The following PRKCE variants were observed in gnomAD, a reference collection of about 807,000 sequenced individuals.
PRKCE encodes protein kinase C epsilon type.
In PRKCE, 16 loss-of-function variants were observed where a neutral mutation model predicts 85.4. That is an observed-to-expected ratio of 0.19 (90% CI 0.13 to 0.28). The LOEUF is 0.28. Ranked by LOEUF, PRKCE falls within the 10% of genes least tolerant of loss-of-function variation. The pLI is 1.00. For synonymous variants in PRKCE, 388 were observed against 371.5 expected (o/e 1.04, Z -0.51); for missense variants, 573 against 975.2 (o/e 0.59, Z 5.49).
rs1008629379 is a variant in PRKCE at position 46,001,291 on chromosome 2, A to G, written c.824-113A>G. The G allele has an allele frequency of 4.1e-6, 4 of 963,990 alleles. No homozygotes were observed. The highest frequency in any genetic ancestry group is 3.3e-5 in the South Asian group (1 of 30,264). The allele number at this position is 963,990 out of a possible 1,614,324, so 59.7% of individuals were successfully genotyped here. A position where few individuals can be genotyped will look rare whatever the true frequency, so the allele number is the denominator to read the frequency against. On this transcript the variant is annotated intron_variant, in intron 6 of 14. Coordinates refer to ENST00000306156, the MANE Select transcript of PRKCE (RefSeq NM_005400.3). This position sits in a 1 kb window ranked among gnomAD's most constrained non-coding sequence, Gnocchi z 4.4. ...TATATATTTCTGTATTTTCCAAATTATATCTTAAATGAACATGTAATACTT... is the reference window on the plus strand; with the variant it reads ...TATATATTTCTGTATTTTCCAAATTGTATCTTAAATGAACATGTAATACTT...
chr2:46,066,293 T>A (rs182183212), intron 10 of PRKCE, among the ~76,000 whole-genome samples: 5 of 152,354 alleles, frequency 3.3e-5, no homozygotes, highest in African/African-American at 1.2e-4. Context: ...TGGCTAAAGT[T>A]ACCCCCAAGA....
intron 12 of PRKCE, among the ~76,000 whole-genome samples, chr2:46,149,952 G>A (rs1419186143): frequency 1.3e-5 from 2 of 151,674 alleles, no homozygotes; most frequent in African/African-American, 2.4e-5. Context: ...AAACTCCCGG[G>A]CTCAAGTGAT....
chr2:45,799,795 C>A (rs1300549405), intron 1 of PRKCE, among the ~76,000 whole-genome samples: 1 of 152,124 alleles, frequency 6.6e-6, no homozygotes, highest in Non-Finnish European at 1.5e-5. Context: ...TTTCTTCTTG[C>A]TGAGATGATG....
At chr2:45,654,368 A>G (rs1033713126) in intron 1 of PRKCE, among the ~76,000 whole-genome samples, 2 of 152,230 alleles carry the variant, frequency 1.3e-5, no homozygotes, top group African/African-American at 4.8e-5. Flanking sequence ...AGGTTCTCAA[A>G]TTCATGTTGG....
intron 5 of PRKCE, 122 bp downstream of exon 5, chr2:45,980,503 TA>T: frequency 1.1e-6 from 1 of 934,564 alleles, no homozygotes. Flanking sequence ...ATTGTGTTGA[TA>T]AAAAAACAAA....
intron 2 of PRKCE, among the ~76,000 whole-genome samples, chr2:45,922,087 GC>G (rs1558837442): frequency 1.3e-5 from 2 of 152,222 alleles, no homozygotes; most frequent in East Asian, 3.9e-4. Context: ...TTTCTTAAGG[GC>G]ATCACTTGGT....
chr2:45,856,078 A>T (rs568840860), intron 2 of PRKCE, among the ~76,000 whole-genome samples: 3 of 151,476 alleles, frequency 2.0e-5, no homozygotes, highest in South Asian at 2.1e-4. Flanking sequence ...AATTTTTTTA[A>T]AAAATTATAA....
Position 45,905,273 on chromosome 2 carries a change from C to A in PRKCE, c.412+62210C>A, listed in dbSNP as rs1016624667. On this transcript the variant is annotated intron_variant, in intron 2 of 14. Coordinates refer to ENST00000306156, the MANE Select transcript of PRKCE (RefSeq NM_005400.3). The surrounding 1 kb of genome is among the most constrained non-coding windows in gnomAD (Gnocchi z 4.4). ...GCCCACGCTAACCCAGTTTTGGAAT[C>A]TGGTAGTGGGAAAACAGGGAAGCTC... Among the ~76,000 whole-genome samples the A allele has an allele frequency of 6.6e-6, 1 of 152,156 alleles. No homozygotes were observed. The highest frequency in any genetic ancestry group is 2.4e-5 in the African/African-American group (1 of 41,424).
intron 11 of PRKCE, among the ~76,000 whole-genome samples, chr2:46,113,904 T>G (rs765551123): frequency 2.6e-5 from 4 of 152,180 alleles, no homozygotes; most frequent in Non-Finnish European, 5.9e-5. Context: ...AGATAGATGA[T>G]TGGGCTTTGT....
At chr2:45,898,834 A>G (rs868814906) in intron 2 of PRKCE, among the ~76,000 whole-genome samples, 1 of 152,236 alleles carries the variant, frequency 6.6e-6, no homozygotes, top group Non-Finnish European at 1.5e-5. Context: ...AGGCCATGCC[A>G]TGATGATCAC....
chr2:45,931,684 G>A (rs1215270664), intron 2 of PRKCE, among the ~76,000 whole-genome samples: 1 of 152,142 alleles, frequency 6.6e-6, no homozygotes, highest in Non-Finnish European at 1.5e-5. Flanking sequence ...ACAGAAAAAT[G>A]CATGGCTAGT....
chr2:46,045,390 A>G (rs1177866423), intron 10 of PRKCE, among the ~76,000 whole-genome samples: 1 of 152,228 alleles, frequency 6.6e-6, no homozygotes, highest in Non-Finnish European at 1.5e-5. Context: ...TTTGACATAT[A>G]CAGAATTTTG....
chr2:45,966,846 C>T (rs1396181818), intron 2 of PRKCE, among the ~76,000 whole-genome samples: 1 of 152,058 alleles, frequency 6.6e-6, no homozygotes, highest in Non-Finnish European at 1.5e-5. Flanking sequence ...CACAAGGGAG[C>T]ATCGGAGCAG....
At chr2:46,046,255 G>A (rs986584016) in intron 10 of PRKCE, among the ~76,000 whole-genome samples, 8 of 152,210 alleles carry the variant, frequency 5.3e-5, no homozygotes, top group African/African-American at 1.4e-4. Context: ...CAAGTTGGCT[G>A]AGCAGCCAGC....
chr2:45,860,766 G>A (rs12465045), intron 2 of PRKCE, among the ~76,000 whole-genome samples: 17,692 of 152,104 alleles, frequency 0.12, 1,315 homozygotes, highest in South Asian at 0.28. Flanking sequence ...ACTTTGCATG[G>A]TACACTCTTG....
chr2:46,120,310 G>C (rs1673183921), intron 11 of PRKCE, among the ~76,000 whole-genome samples: 2 of 152,194 alleles, frequency 1.3e-5, no homozygotes, highest in South Asian at 4.2e-4. Flanking sequence ...GACATTTTTG[G>C]TTGCTGAAAC....
intron 2 of PRKCE, among the ~76,000 whole-genome samples, chr2:45,952,981 T>C (rs1042581853): frequency 3.3e-5 from 5 of 152,240 alleles, no homozygotes; most frequent in Non-Finnish European, 7.4e-5. Flanking sequence ...TCTCATTTTA[T>C]GGACAGGGAG....
At chr2:45,969,427 TG>T (rs1406534641) in intron 2 of PRKCE, among the ~76,000 whole-genome samples, 1 of 152,230 alleles carries the variant, frequency 6.6e-6, no homozygotes, top group Non-Finnish European at 1.5e-5. Context: ...ACTGTCATGC[TG>T]GCTGAGCACG....
chr2:45,861,230 A>T (rs1693134016), intron 2 of PRKCE, among the ~76,000 whole-genome samples: 1 of 152,126 alleles, frequency 6.6e-6, no homozygotes. Flanking sequence ...TTGAGGCTAG[A>T]GACTAATTTG....
Sources: gnomAD v4.1 joint callset for allele counts (sites outside exome capture counted in the v4.1 genomes callset) on GRCh38, gnomAD v4.1.1 for gene constraint, Gnocchi (gnomAD v3.1) non-coding constraint, MANE v1.5 for transcripts, NCBI Gene and HGNC (gene_info 2026-07-23, HGNC 2026-07-21) for gene names.